The following PBX4 variants were observed in gnomAD, a reference collection of about 807,000 sequenced individuals.
The protein encoded by PBX4 is pre-B-cell leukemia transcription factor 4.
A neutral mutation model predicts 35.1 loss-of-function variants in PBX4; 26 were observed. The ratio of observed to expected loss-of-function variants is 0.74; its 90% CI spans 0.54 to 1.03. PBX4 has a LOEUF of 1.03. PBX4 is among the 50% of genes least tolerant of loss of function. The probability of loss-of-function intolerance (pLI) is 0.00; values close to 1 mark genes in which losing one functional copy is unlikely to be tolerated. For synonymous variants in PBX4, 199 were observed against 204.2 expected, an observed-to-expected ratio of 0.97 and a Z score of 0.22; for missense variants, 448 against 504.3, an observed-to-expected ratio of 0.89 and a Z score of 1.07.
chr19:19,615,217 C>T (rs959321901), intron 1 of PBX4, among the ~76,000 whole-genome samples: 2 of 146,370 alleles, frequency 1.4e-5, no homozygotes, highest in Non-Finnish European at 1.5e-5. Flanking sequence ...CGTGGTGGCA[C>T]AGGCCTGTGG....
At chr19:19,593,980 A>G (rs985610949) in intron 2 of PBX4, among the ~76,000 whole-genome samples, 7 of 147,220 alleles carry the variant, frequency 4.8e-5, no homozygotes, top group African/African-American at 1.8e-4. Context: ...GTCCTCAGCG[A>G]CCCCTAGACA....
At chr19:19,599,413 T>C in intron 1 of PBX4, 48 bp from the exon 2 acceptor site, 1 of 1,500,440 alleles carries the variant, frequency 6.7e-7, no homozygotes, top group South Asian at 1.1e-5. Flanking sequence ...ATAGTCATCA[T>C]CTTGTCCCCA....
At chr19:19,581,889 G>T (rs540136467) in intron 2 of PBX4, among the ~76,000 whole-genome samples, 1 of 152,294 alleles carries the variant, frequency 6.6e-6, no homozygotes, top group East Asian at 1.9e-4. Context: ...CTTCCAAGTG[G>T]CTGGGTGGTG....
intron 2 of PBX4, 144 bp from the exon 3 acceptor site, chr19:19,570,977 T>G: frequency 1.9e-6 from 2 of 1,079,970 alleles, no homozygotes; most frequent in South Asian, 3.1e-5. Flanking sequence ...TATCACCAAA[T>G]TGGATGATGG....
intron 2 of PBX4, among the ~76,000 whole-genome samples, chr19:19,575,874 G>A (rs927356682): frequency 3.3e-5 from 5 of 152,130 alleles, no homozygotes; most frequent in African/African-American, 4.8e-5. Context: ...ATGTGTGGGC[G>A]GAGGATACAC....
rs372278117 is a variant in PBX4, at chr19:19,563,596, C to T, written c.945G>A (p.Pro315=). The part of the protein sequence containing the change: ...TPSSGSSGPF[P]LPSAGDAFLT... ...GGAAGGCGTCCCCAGCGCTGGGCAG[C>T]GGGAAGGGTCCAGAGGAGCCTGGAA... The change falls in exon 7 of 8, where the codon CCG becomes CCA. Residue 315 remains proline, a synonymous_variant. Transcript: ENST00000251203. This position sits in a 1 kb window ranked among gnomAD's most constrained non-coding sequence, Gnocchi z 5.1. The T allele has an allele frequency of 8.4e-6, 13 of 1,549,610 alleles. No individual in the cohort carries two copies. Among genetic ancestry groups the T allele is most frequent in the South Asian group, 2.4e-5 (2 of 84,028 alleles).
At chr19:19,577,434 G>A (rs1257578656) in intron 2 of PBX4, among the ~76,000 whole-genome samples, 2 of 152,152 alleles carry the variant, frequency 1.3e-5, no homozygotes, top group Admixed American at 6.5e-5. Flanking sequence ...GTAATCGTGG[G>A]CGACCAGAAG....
At position 19,594,595 on chromosome 19, in the gene PBX4, AGATGGAATTATGAAGAG is replaced by A. The variant is rs1420040518; in HGVS notation, c.193+4680_193+4696del. On this transcript the variant is annotated intron_variant, in intron 2 of 7. Transcript: ENST00000251203. ...CATGCAGTAACATCCACACAGGGGC[AGATGGAATTATGAAGAG>A]GCGTGCCCAGGCTGAACACCCACAC... 1.1e-4 allele frequency among the ~76,000 whole-genome samples: 16 copies of A among 152,308 alleles called. No homozygotes were observed. In the East Asian group the frequency reaches 3.1e-3, roughly 29 times the overall value.
At chr19:19,618,108 C>T (rs1014586442) in intron 1 of PBX4, among the ~76,000 whole-genome samples, 18 of 152,110 alleles carry the variant, frequency 1.2e-4, no homozygotes, top group Non-Finnish European at 2.5e-4. Context: ...CTGCAGTGAG[C>T]CATGATCACG....
chr19:19,600,224 A>G (rs2061588770), intron 1 of PBX4, among the ~76,000 whole-genome samples: 1 of 152,084 alleles, frequency 6.6e-6, no homozygotes, highest in African/African-American at 2.4e-5. Flanking sequence ...AAACAATGCA[A>G]ATAACTCATC....
chr19:19,569,379 G>T, intron 5 of PBX4, 70 bp downstream of exon 5: 1 of 1,534,480 alleles, frequency 6.5e-7, no homozygotes, highest in Middle Eastern at 2.3e-4. Context: ...AAACTTCCCT[G>T]GGTGTCCTCA....
At chr19:19,580,398 T>A (rs1425413443) in intron 2 of PBX4, among the ~76,000 whole-genome samples, 2 of 151,836 alleles carry the variant, frequency 1.3e-5, no homozygotes, top group African/African-American at 4.8e-5. Flanking sequence ...GCTACCGGGG[T>A]CTCCTATGCT....
chr19:19,569,948 G>C (rs1254916952), intron 4 of PBX4, among the ~76,000 whole-genome samples, 161 bp downstream of exon 4: 1 of 152,138 alleles, frequency 6.6e-6, no homozygotes, highest in Non-Finnish European at 1.5e-5. Context: ...AAATAAAAAT[G>C]AAAACAGCAA....
At chr19:19,611,145 A>G (rs1372429359) in intron 1 of PBX4, among the ~76,000 whole-genome samples, 1 of 152,160 alleles carries the variant, frequency 6.6e-6, no homozygotes, top group African/African-American at 2.4e-5. Flanking sequence ...TTATAAGTAT[A>G]TGTGTTCTGA....
At chr19:19,572,430 T>G (rs1016255570) in intron 2 of PBX4, among the ~76,000 whole-genome samples, 1 of 152,040 alleles carries the variant, frequency 6.6e-6, no homozygotes, top group Non-Finnish European at 1.5e-5. Flanking sequence ...CAGATGACAA[T>G]TCCGTTTGAT....
intron 2 of PBX4, among the ~76,000 whole-genome samples, chr19:19,583,568 G>A (rs1019737513): frequency 8.6e-5 from 13 of 152,026 alleles, no homozygotes; most frequent in African/African-American, 2.2e-4. Flanking sequence ...AGCTGACTGC[G>A]CCACTGCACT....
intron 2 of PBX4, among the ~76,000 whole-genome samples, chr19:19,571,807 C>T (rs1006268723): frequency 4.0e-5 from 6 of 151,862 alleles, no homozygotes; most frequent in Non-Finnish European, 7.4e-5. Flanking sequence ...CTGAGGCGGG[C>T]GGATCACTTG....
At position 19,562,175 on chromosome 19, in the gene PBX4, G is replaced by C; in HGVS notation, c.1033-58C>G. 7.4e-7 allele frequency: 1 copy of C among 1,349,478 alleles called. No homozygotes were observed. Among genetic ancestry groups the C allele is most frequent in the Admixed American group, 2.1e-5 (1 of 47,710 alleles). The allele number at this position is 1,349,478 out of a possible 1,614,324, so 83.6% of individuals were successfully genotyped here. On this transcript the variant is annotated intron_variant, in intron 7 of 7. Transcript: ENST00000251203. This position sits in a 1 kb window ranked among gnomAD's most constrained non-coding sequence, Gnocchi z 4.8. ...TGGCCGTGAGACTGGTGACTACCCA[G>C]CCCACGTGCTGCAGGCGGAGCCTCC...
intron 1 of PBX4, among the ~76,000 whole-genome samples, chr19:19,605,676 T>C (rs760035257): frequency 3.3e-5 from 5 of 151,664 alleles, no homozygotes; most frequent in Non-Finnish European, 7.4e-5. Context: ...CCCTATGTTG[T>C]CCAGACTGGT....
Sources: allele counts gnomAD v4.1 joint callset (sites outside exome capture counted in the v4.1 genomes callset), GRCh38; gene constraint gnomAD v4.1.1; non-coding constraint Gnocchi (gnomAD v3.1); transcripts MANE v1.5; gene names NCBI Gene and HGNC (gene_info 2026-07-23, HGNC 2026-07-21).